The following PATJ variants were observed in gnomAD, a reference collection of about 807,000 sequenced individuals.
The protein encoded by PATJ is inaD-like protein.
PATJ carries 190 observed loss-of-function variants against 224.9 expected under a neutral mutation model. That is an observed-to-expected ratio of 0.84 (90% CI 0.75 to 0.95). The LOEUF (loss-of-function observed/expected upper bound fraction) is 0.95, where lower values mean the gene tolerates loss of function less well. Among genes scored for constraint, PATJ ranks in the 40% least tolerant of loss-of-function variants. PATJ has a pLI of 0.00. For synonymous variants in PATJ, 769 were observed against 820.3 expected (o/e 0.94, Z 1.07); for missense variants, 2,121 against 2,270.3 (o/e 0.93, Z 1.34).
At chr1:61,888,205 T>A (rs1271144411) in intron 22 of PATJ, among the ~76,000 whole-genome samples, 3 of 152,246 alleles carry the variant, frequency 2.0e-5, no homozygotes, top group Non-Finnish European at 2.9e-5. Flanking sequence ...AGGATTTGTT[T>A]CCTTAGGACA....
intron 31 of PATJ, among the ~76,000 whole-genome samples, chr1:62,054,730 A>G (rs1654248804): frequency 2.0e-5 from 3 of 152,152 alleles, no homozygotes; most frequent in South Asian, 4.1e-4. Flanking sequence ...AAACAGTTTC[A>G]TCTATAATCT....
intron 21 of PATJ, among the ~76,000 whole-genome samples, chr1:61,877,808 C>T (rs1667538562): frequency 6.6e-6 from 1 of 152,108 alleles, no homozygotes; most frequent in East Asian, 1.9e-4. Flanking sequence ...AACTTAAATC[C>T]TAGAGCATTT....
chr1:61,827,656 A>C, intron 16 of PATJ, 73 bp downstream of exon 16: 2 of 1,410,608 alleles, frequency 1.4e-6, no homozygotes, highest in South Asian at 3.0e-5. Flanking sequence ...CTGTGCTGCA[A>C]TAAGAAGGGA....
intron 23 of PATJ, among the ~76,000 whole-genome samples, chr1:61,900,712 C>T (rs990894351): frequency 6.6e-6 from 1 of 152,002 alleles, no homozygotes; most frequent in Admixed American, 6.6e-5. Context: ...GCCTCAGCCT[C>T]CGGAGTAGCT....
intron 27 of PATJ, among the ~76,000 whole-genome samples, chr1:61,949,880 T>C (rs12074521): frequency 0.043 from 6,589 of 151,550 alleles, 534 homozygotes; most frequent in African/African-American, 0.15. Flanking sequence ...CCAGCCTAGG[T>C]GACAGAGCGA....
chr1:61,784,657 T>C (rs1648105586), intron 7 of PATJ, among the ~76,000 whole-genome samples: 1 of 152,214 alleles, frequency 6.6e-6, no homozygotes, highest in South Asian at 2.1e-4. Context: ...ATTAGACATA[T>C]ATATTTTTTA....
At chr1:61,981,899 C>G (rs1213869420) in intron 27 of PATJ, among the ~76,000 whole-genome samples, 1 of 151,950 alleles carries the variant, frequency 6.6e-6, no homozygotes, top group Non-Finnish European at 1.5e-5. Context: ...TCAAACTCCT[C>G]CTCAGGTGAT....
chr1:61,991,183 A>G (rs984090075), intron 28 of PATJ, among the ~76,000 whole-genome samples: 8 of 79,756 alleles, frequency 1.0e-4, no homozygotes, highest in East Asian at 3.7e-4. Flanking sequence ...AAGAAATGCA[A>G]TGATGATGAT....
chr1:61,850,842 C>A (rs941709200), intron 17 of PATJ, among the ~76,000 whole-genome samples: 3 of 152,164 alleles, frequency 2.0e-5, no homozygotes, highest in Admixed American at 6.5e-5. Context: ...TAAATGGGTT[C>A]AAATAAATAA....
chr1:61,997,197 A>G (rs1034208414), intron 28 of PATJ, among the ~76,000 whole-genome samples: 1 of 152,230 alleles, frequency 6.6e-6, no homozygotes. Flanking sequence ...TCTCAAAGCT[A>G]TTAAAAAATG....
At chr1:61,818,832 G>A (rs1286809) in intron 14 of PATJ, among the ~76,000 whole-genome samples, 71,118 of 151,906 alleles carry the variant, frequency 0.47, 16,954 homozygotes, top group Admixed American at 0.51. Flanking sequence ...CCTGACTCCA[G>A]CTGTTCCATG....
intron 27 of PATJ, among the ~76,000 whole-genome samples, chr1:61,933,883 CA>C (rs1234917595): frequency 6.6e-6 from 1 of 152,170 alleles, no homozygotes; most frequent in African/African-American, 2.4e-5. Flanking sequence ...AATGGATCAA[CA>C]AACATACATG....
chr1:62,117,775 A>T (rs996385792), intron 37 of PATJ, among the ~76,000 whole-genome samples: 11 of 152,084 alleles, frequency 7.2e-5, no homozygotes, highest in Non-Finnish European at 1.2e-4. Flanking sequence ...TTAGCAAAGT[A>T]TATTTCACTA....
chr1:61,877,619 C>T (rs1002020674), intron 21 of PATJ, among the ~76,000 whole-genome samples: 4 of 151,966 alleles, frequency 2.6e-5, no homozygotes, highest in Non-Finnish European at 4.4e-5. Flanking sequence ...TCTCCTACTG[C>T]CATATGAAGA....
At chr1:62,134,925 A>T (rs1666665379) in intron 41 of PATJ, among the ~76,000 whole-genome samples, 1 of 152,180 alleles carries the variant, frequency 6.6e-6, no homozygotes, top group Non-Finnish European at 1.5e-5. Context: ...GAGGGGAGGA[A>T]GACGGATGGC....
At chr1:61,834,232 T>C (rs1659814332) in intron 17 of PATJ, among the ~76,000 whole-genome samples, 1 of 152,160 alleles carries the variant, frequency 6.6e-6, no homozygotes, top group African/African-American at 2.4e-5. Flanking sequence ...CACATTAGCA[T>C]TCGTTCCCAA....
intron 29 of PATJ, among the ~76,000 whole-genome samples, chr1:62,026,317 A>G (rs901708299): frequency 5.9e-5 from 9 of 152,202 alleles, no homozygotes; most frequent in African/African-American, 2.2e-4. Context: ...CTGAATGTTA[A>G]TTCAGTGTCA....
intron 3 of PATJ, among the ~76,000 whole-genome samples, chr1:61,764,329 C>T (rs1222963856): frequency 1.3e-5 from 2 of 152,070 alleles, no homozygotes; most frequent in African/African-American, 4.8e-5. Context: ...ATTTACCACA[C>T]TATCTGGATT....
At chr1:61,956,366 G>A (rs888143827) in intron 27 of PATJ, among the ~76,000 whole-genome samples, 11 of 152,140 alleles carry the variant, frequency 7.2e-5, no homozygotes, top group South Asian at 2.1e-4. Context: ...TTTTGTTAAA[G>A]GTTTTGAATT....
Sources: allele counts gnomAD v4.1 joint callset (sites outside exome capture counted in the v4.1 genomes callset), GRCh38; gene constraint gnomAD v4.1.1; transcripts MANE v1.5; gene names NCBI Gene and HGNC (gene_info 2026-07-23, HGNC 2026-07-21).